MYO9A: variants seen among roughly 807,000 people sequenced by gnomAD.
MYO9A encodes unconventional myosin-IXa.
Under a neutral mutation model 293.3 loss-of-function variants are expected in MYO9A, and 103 were observed. The observed-to-expected ratio is 0.35, with a 90% confidence interval of 0.30 to 0.41. The LOEUF is 0.41. Ranked by LOEUF, MYO9A falls within the 10% of genes least tolerant of loss-of-function variation. The pLI is 1.00. For missense variants in MYO9A, 2,685 were observed against 3,033.0 expected, an observed-to-expected ratio of 0.89 and a Z score of 2.69; for synonymous variants, 1,001 against 1,035.7, an observed-to-expected ratio of 0.97 and a Z score of 0.64.
chr15:71,981,837 A>G (rs957469046), intron 11 of MYO9A, among the ~76,000 whole-genome samples: 6 of 151,612 alleles, frequency 4.0e-5, no homozygotes, highest in Non-Finnish European at 5.9e-5. Flanking sequence ...TAGTTTGCTG[A>G]TCTTTTTCCC....
intron 1 of MYO9A, among the ~76,000 whole-genome samples, chr15:72,055,160 C>A (rs1020905214): frequency 1.3e-5 from 2 of 152,152 alleles, no homozygotes; most frequent in Non-Finnish European, 2.9e-5. Flanking sequence ...GTGGTGCGTG[C>A]CCATAGTCAT....
intron 32 of MYO9A, among the ~76,000 whole-genome samples, chr15:71,866,589 C>T (rs2056334744): frequency 6.6e-6 from 1 of 151,846 alleles, no homozygotes; most frequent in Non-Finnish European, 1.5e-5. Flanking sequence ...CAAAAATAGA[C>T]TTAATCAGAA....
rs1184931983 is a variant in MYO9A, at chr15:71,893,404, C to T, written c.5142+275G>A. ...TGGAAGCTAAATCTACACTGTTCTA[C>T]ATAGCCAAAGAAGTCATCTTTCACT... On this transcript the variant is annotated intron_variant, in intron 26 of 41. Coordinates refer to ENST00000356056, the MANE Select transcript of MYO9A (RefSeq NM_006901.4). 1.5e-5 allele frequency: 7 copies of T among 466,070 alleles called. No homozygotes were observed. The East Asian group carries it at 3.2e-4, about 21-fold the overall frequency. The allele number at this position is 466,070 out of a possible 1,614,324, so 28.9% of individuals were successfully genotyped here.
rs1023630141 is a variant in MYO9A at position 71,825,616 on chromosome 15, TTGAGTC to T, written c.*958_*963del. 8 of 152,234 alleles carry T rather than the reference TTGAGTC, an allele frequency of 5.3e-5. 1 individual carries two copies. In the South Asian group the frequency reaches 8.3e-4, roughly 16 times the overall value. The allele number at this position is 152,234 out of a possible 1,614,324, so 9.4% of individuals were successfully genotyped here. A position where few individuals can be genotyped will look rare whatever the true frequency, so the allele number is the denominator to read the frequency against. On this transcript the variant is annotated 3_prime_UTR_variant, in exon 42 of 42. Coordinates refer to ENST00000356056, the MANE Select transcript of MYO9A (RefSeq NM_006901.4). ...ACGGTCACATTATTTGTTTGTTTGT[TTGAGTC>T]TGAGTCTGTGGTGGGAATCCACCAG...
intron 27 of MYO9A, among the ~76,000 whole-genome samples, chr15:71,886,651 T>C (rs1021846596): frequency 2.0e-5 from 3 of 152,162 alleles, no homozygotes; most frequent in East Asian, 1.9e-4. Context: ...CTTTCTAGTA[T>C]GTATTAACAT....
chr15:71,844,310 T>G (rs1462174571), intron 39 of MYO9A, among the ~76,000 whole-genome samples: 1 of 152,222 alleles, frequency 6.6e-6, no homozygotes, highest in Non-Finnish European at 1.5e-5. Context: ...TTCAATCACC[T>G]AATCATATAG....
At chr15:71,937,928 T>C (rs1300917873) in intron 16 of MYO9A, among the ~76,000 whole-genome samples, 2 of 152,120 alleles carry the variant, frequency 1.3e-5, no homozygotes, top group Non-Finnish European at 2.9e-5. Context: ...CATGCAAATA[T>C]GGTGGTAGAT....
chr15:71,949,046 T>C (rs1451058401), intron 15 of MYO9A, among the ~76,000 whole-genome samples: 1 of 152,184 alleles, frequency 6.6e-6, no homozygotes. Flanking sequence ...TATCTCATTA[T>C]TCCCCTGTAT....
In MYO9A at chr15:71,879,722, G is replaced by A. The variant is rs763409666; in HGVS notation, c.5738C>T (p.Ala1913Val). The A allele has an allele frequency of 1.0e-5, 16 of 1,603,494 alleles. No homozygotes were observed. Among genetic ancestry groups the A allele is most frequent in the South Asian group, 6.6e-5 (6 of 90,804 alleles). Residue 1913 changes from alanine (A) to valine (V), a missense_variant and splice_region_variant, in exon 30 of 42, where the codon GCG becomes GTG. By Grantham distance (64) the Ala-to-Val change is moderately conservative. Transcript: ENST00000356056. ...ATCTCCTAACATAGTCCAACTCACC[G>A]CCAATGCAGATGAATAAAAGCTGAA... Reference protein sequence around the residue: ...NIFSFYSSALAMDDGKSIRYK... With the variant: ...NIFSFYSSALVMDDGKSIRYK...
In MYO9A at chr15:71,825,999, TTTTTTTTTTG is replaced by T. The variant is rs1567170011; in HGVS notation, c.*571_*580del. 1 of 120,700 alleles carries T rather than the reference TTTTTTTTTTG, an allele frequency of 8.3e-6. No homozygotes were observed. Among genetic ancestry groups the T allele is most frequent in the Non-Finnish European group, 1.7e-5 (1 of 59,624 alleles). 7.5% of individuals were successfully genotyped at this position (120,700 alleles called of 1,614,324 possible). ...AAACAATCACGGTTTTTTTTTGTTT[TTTTTTTTTTG>T]TTTTTTTTTTTTGTTTTTGCTTTCC... On this transcript the variant is annotated 3_prime_UTR_variant, in exon 42 of 42. Transcript: ENST00000356056.
intron 11 of MYO9A, among the ~76,000 whole-genome samples, chr15:71,988,252 T>A (rs772958666): frequency 6.6e-6 from 1 of 152,204 alleles, no homozygotes; most frequent in Non-Finnish European, 1.5e-5. Flanking sequence ...ATTAACTTAG[T>A]ATGATTTATG....
chr15:71,991,456 T>C (rs1178582226), intron 10 of MYO9A, among the ~76,000 whole-genome samples: 3 of 152,196 alleles, frequency 2.0e-5, no homozygotes, highest in Non-Finnish European at 4.4e-5. Flanking sequence ...TGTTAATACA[T>C]ATAATCTATA....
intron 9 of MYO9A, among the ~76,000 whole-genome samples, chr15:71,998,515 T>C (rs927438645): frequency 6.6e-6 from 1 of 150,606 alleles, no homozygotes; most frequent in African/African-American, 2.4e-5. Context: ...TTATTTTATA[T>C]AAAAGAAATA....
intron 3 of MYO9A, among the ~76,000 whole-genome samples, chr15:72,030,617 G>T (rs1241411452): frequency 2.0e-5 from 3 of 151,912 alleles, no homozygotes; most frequent in African/African-American, 4.8e-5. Flanking sequence ...TCCGCCTCCT[G>T]GGTTCAAGTG....
intron 10 of MYO9A, chr15:71,993,901 G>A (rs2076616087): frequency 6.9e-6 from 1 of 144,484 alleles, no homozygotes; most frequent in Non-Finnish European, 1.5e-5. Context: ...ACCGGAGGTT[G>A]TAGCGAGATC....
intron 1 of MYO9A, among the ~76,000 whole-genome samples, chr15:72,096,798 C>G (rs1035862262): frequency 2.0e-5 from 3 of 152,152 alleles, no homozygotes; most frequent in Non-Finnish European, 4.4e-5. Context: ...ATAACATTAA[C>G]AGGAGTTTGG....
intron 27 of MYO9A, among the ~76,000 whole-genome samples, chr15:71,886,026 G>C (rs981524140): frequency 2.0e-5 from 3 of 151,804 alleles, no homozygotes; most frequent in Non-Finnish European, 4.4e-5. Context: ...TATTTGTTAT[G>C]CAAAAGGCCT....
At chr15:71,932,004 C>T (rs957821343) in intron 18 of MYO9A, among the ~76,000 whole-genome samples, 5 of 151,960 alleles carry the variant, frequency 3.3e-5, no homozygotes, top group African/African-American at 1.2e-4. Context: ...CCTCTCAAAC[C>T]TTTGTGTTTG....
intron 30 of MYO9A, 114 bp downstream of exon 30, chr15:71,879,607 A>T (rs2056810665): frequency 6.9e-6 from 5 of 723,848 alleles, no homozygotes; most frequent in Non-Finnish European, 1.1e-5. Flanking sequence ...TAAAACAAAA[A>T]CAAGGCACTG....
Sources: gnomAD v4.1 joint callset for allele counts (sites outside exome capture counted in the v4.1 genomes callset) on GRCh38, gnomAD v4.1.1 for gene constraint, MANE v1.5 for transcripts, NCBI Gene and HGNC (gene_info 2026-07-23, HGNC 2026-07-21) for gene names.